Variants in JAK1 observed in about 807,000 individuals in gnomAD.
JAK1 encodes the protein tyrosine-protein kinase JAK1.
A neutral mutation model predicts 136.6 loss-of-function variants in JAK1; 16 were observed. The observed-to-expected ratio is 0.12, with a 90% CI of 0.08 to 0.18. The LOEUF is 0.18. Among genes scored for constraint, JAK1 ranks in the 10% least tolerant of loss-of-function variants. The probability of loss-of-function intolerance (pLI) is 1.00; values close to 1 mark genes in which losing one functional copy is unlikely to be tolerated. For synonymous variants in JAK1, 492 were observed against 519.5 expected, an observed-to-expected ratio of 0.95 and a Z score of 0.72; for missense variants, 859 against 1,450.1, an observed-to-expected ratio of 0.59 and a Z score of 6.62.
chr1:64,996,305 CTT>C (rs1020963074), intron 2 of JAK1, among the ~76,000 whole-genome samples: 2 of 152,182 alleles, frequency 1.3e-5, no homozygotes, highest in African/African-American at 4.8e-5. Flanking sequence ...GAGCCAATGA[CTT>C]TCTAGTTGCT....
chr1:64,844,236 T>C lies in JAK1; in HGVS notation c.2252-21A>G, dbSNP rs767217902. 19 of 1,613,900 alleles carry C rather than the reference T, an allele frequency of 1.2e-5. No homozygotes were observed. Among genetic ancestry groups the C allele is most frequent in the East Asian group, 2.2e-5 (1 of 44,886 alleles). ...GCATTCTGGAAGACAACAGACACAC[T>C]GATGGAGCAGTTTCTGGGATCTCCT... On this transcript the variant is annotated intron_variant, in intron 16 of 24. Coordinates refer to ENST00000342505, the MANE Select transcript of JAK1 (RefSeq NM_002227.4). The surrounding 1 kb of genome is among the most constrained non-coding windows in gnomAD (Gnocchi z 5.7).
At chr1:65,019,131 C>A (rs1378447658) in intron 2 of JAK1, among the ~76,000 whole-genome samples, 2 of 152,038 alleles carry the variant, frequency 1.3e-5, no homozygotes, top group African/African-American at 4.8e-5. Flanking sequence ...GGACCAGAAG[C>A]CTTTCATATG....
At position 64,833,820 on chromosome 1, in the gene JAK1, T is replaced by G. The variant is rs560224652; in HGVS notation, c.*742A>C. 2.1e-5 allele frequency: 5 copies of G among 232,848 alleles called. No individual in the cohort carries two copies. The highest frequency in any genetic ancestry group is 1.8e-4 in the South Asian group (1 of 5,524). 14.4% of individuals were successfully genotyped at this position (232,848 alleles called of 1,614,324 possible). On this transcript the variant is annotated 3_prime_UTR_variant, in exon 25 of 25. Transcript: ENST00000342505. ...TCCAGGTTCTGGGAATGAGTTCTGA[T>G]TAAAGGTATACTGCTTAGGAAAGCA...
intron 9 of JAK1, among the ~76,000 whole-genome samples, chr1:64,857,983 A>T (rs756553556): frequency 3.1e-4 from 47 of 152,204 alleles, no homozygotes; most frequent in Non-Finnish European, 4.4e-4. Flanking sequence ...GGAGTCTCCA[A>T]GGTTGAGAAG....
At chr1:65,012,273 A>G (rs1301499279) in intron 2 of JAK1, among the ~76,000 whole-genome samples, 1 of 152,094 alleles carries the variant, frequency 6.6e-6, no homozygotes, top group Non-Finnish European at 1.5e-5. Context: ...CCAAGTAGAG[A>G]AAAAGGACCA....
intron 1 of JAK1, among the ~76,000 whole-genome samples, chr1:64,911,993 C>T (rs1056260508): frequency 7.2e-5 from 11 of 152,282 alleles, no homozygotes; most frequent in South Asian, 6.2e-4. Context: ...TTTTCTGACC[C>T]CTATGTCATC....
chr1:64,963,900 G>A (rs1315642329), intron 1 of JAK1, among the ~76,000 whole-genome samples: 1 of 152,048 alleles, frequency 6.6e-6, no homozygotes, highest in African/African-American at 2.4e-5. Context: ...AGCATCCCTA[G>A]CCTCTAACCA....
chr1:64,930,976 C>T (rs1227667952), intron 1 of JAK1, among the ~76,000 whole-genome samples: 1 of 146,250 alleles, frequency 6.8e-6, no homozygotes, highest in Non-Finnish European at 1.5e-5. Flanking sequence ...GGGAGGGGAA[C>T]ATCACACACC....
intron 12 of JAK1, 107 bp downstream of exon 12, chr1:64,850,697 C>A (rs954616268): frequency 6.7e-6 from 5 of 743,200 alleles, no homozygotes; most frequent in Non-Finnish European, 9.4e-6. Context: ...TGTTCTTTTT[C>A]TACTAAGATT....
At chr1:65,054,012 A>G (rs897339741) in intron 1 of JAK1, among the ~76,000 whole-genome samples, 5 of 152,198 alleles carry the variant, frequency 3.3e-5, no homozygotes, top group African/African-American at 9.7e-5. Context: ...GATCTGGTGG[A>G]GGTAGTCTAA....
chr1:64,862,131 C>T (rs924628442), intron 8 of JAK1, among the ~76,000 whole-genome samples: 1 of 152,170 alleles, frequency 6.6e-6, no homozygotes, highest in Non-Finnish European at 1.5e-5. Flanking sequence ...GAGGGGACAA[C>T]GAGGGCATGA....
At chr1:65,050,531 C>T (rs1433219632) in intron 1 of JAK1, among the ~76,000 whole-genome samples, 1 of 152,154 alleles carries the variant, frequency 6.6e-6, no homozygotes, top group African/African-American at 2.4e-5. Flanking sequence ...AGAGATGGGA[C>T]CTGAGGAGTA....
chr1:64,865,064 C>CT, intron 7 of JAK1, 92 bp from the exon 8 acceptor site: 1 of 1,006,900 alleles, frequency 9.9e-7, no homozygotes, highest in Non-Finnish European at 1.5e-6. Context: ...TATGCAGGGC[C>CT]TAGGTCCAAG....
intron 2 of JAK1, among the ~76,000 whole-genome samples, chr1:65,041,594 C>T (rs1445741593): frequency 1.3e-5 from 2 of 152,156 alleles, no homozygotes; most frequent in East Asian, 1.9e-4. Context: ...TCTGTATGTT[C>T]CTGTACACAG....
chr1:64,899,284 A>G (rs1179018495), intron 1 of JAK1, among the ~76,000 whole-genome samples: 1 of 152,198 alleles, frequency 6.6e-6, no homozygotes, highest in Non-Finnish European at 1.5e-5. Context: ...GAAAAGGTGA[A>G]ATTTCAGTAA....
intron 4 of JAK1, among the ~76,000 whole-genome samples, chr1:64,875,744 C>T (rs1031788070): frequency 1.3e-5 from 2 of 152,174 alleles, no homozygotes; most frequent in Non-Finnish European, 2.9e-5. Flanking sequence ...GCATGAGCCA[C>T]GTCAGGCCTC....
Position 64,846,689 on chromosome 1 carries a change from G to A in JAK1, c.1947C>T (p.His649=), listed in dbSNP as rs755825101. 1.2e-6 allele frequency: 2 copies of A among 1,614,116 alleles called. No individual in the cohort carries two copies. Among genetic ancestry groups the A allele is most frequent in the Non-Finnish European group, 1.7e-6 (2 of 1,180,004 alleles). The change falls in exon 14 of 25, where the codon CAC becomes CAT. Residue 649 remains histidine, a synonymous_variant. Coordinates refer to ENST00000342505, the MANE Select transcript of JAK1 (RefSeq NM_002227.4). ...ASMMRQVSHK[H]IVYLYGVCVR... ...CACAGACGCCATAGAGGTACACGAT[G>A]TGTTTGTGGGAGACCTGTCTCATCA...
chr1:64,869,258 G>A, intron 6 of JAK1, 53 bp downstream of exon 6: 1 of 1,548,686 alleles, frequency 6.5e-7, no homozygotes, highest in African/African-American at 1.4e-5. Flanking sequence ...GTAAGAACAT[G>A]TAGAAACACC....
At position 64,916,709 on chromosome 1, in the gene JAK1, G is replaced by GC. The variant is rs1225806538; in HGVS notation, c.-77-30369dup. 2.0e-5 allele frequency among the ~76,000 whole-genome samples: 3 copies of GC among 151,974 alleles called. No individual in the cohort carries two copies. The East Asian group carries it at 5.8e-4, about 29-fold the overall frequency. On this transcript the variant is annotated intron_variant, in intron 1 of 24. Coordinates refer to ENST00000342505, the MANE Select transcript of JAK1 (RefSeq NM_002227.4). The stretch of plus-strand genomic sequence containing the variant: ...AAAAATTAGCCAGGTGTGGTGGCAT[G>GC]CATCTGTAGTCCCAGCTACTGAGGA...
Sources: allele counts gnomAD v4.1 joint callset (sites outside exome capture counted in the v4.1 genomes callset), GRCh38; gene constraint gnomAD v4.1.1; non-coding constraint Gnocchi (gnomAD v3.1); transcripts MANE v1.5; gene names NCBI Gene and HGNC (gene_info 2026-07-23, HGNC 2026-07-21).